RBPMS: variants seen among roughly 807,000 people sequenced by gnomAD.
RBPMS encodes the protein RNA binding protein, mRNA processing factor.
RBPMS carries 7 observed loss-of-function variants against 26.8 expected under a neutral mutation model. The observed-to-expected ratio is 0.26, with a 90% CI of 0.15 to 0.49. The LOEUF (loss-of-function observed/expected upper bound fraction) is 0.49, where lower values mean the gene tolerates loss of function less well. Among genes scored for constraint, RBPMS ranks in the 20% least tolerant of loss-of-function variants. The pLI is 0.98. For synonymous variants in RBPMS, 96 were observed against 93.3 expected, an observed-to-expected ratio of 1.03 and a Z score of -0.17; for missense variants, 186 against 250.0, an observed-to-expected ratio of 0.74 and a Z score of 1.73.
At chr8:30,454,408 A>C (rs1814957402) in intron 1 of RBPMS, among the ~76,000 whole-genome samples, 1 of 152,208 alleles carries the variant, frequency 6.6e-6, no homozygotes, top group South Asian at 2.1e-4. Context: ...GAAGTACATT[A>C]GGGGTATATG....
chr8:30,392,807 A>C (rs745699671), intron 1 of RBPMS, among the ~76,000 whole-genome samples: 1 of 152,190 alleles, frequency 6.6e-6, no homozygotes, highest in African/African-American at 2.4e-5. Context: ...GGAATAGAAA[A>C]TAGAGATGTG....
intron 1 of RBPMS, among the ~76,000 whole-genome samples, chr8:30,426,038 T>C (rs940885143): frequency 7.2e-5 from 11 of 152,316 alleles, no homozygotes; most frequent in African/African-American, 2.2e-4. Context: ...TCTCTGTCTC[T>C]TTCCTGAAAA....
intron 4 of RBPMS, among the ~76,000 whole-genome samples, chr8:30,481,476 G>C (rs890531289): frequency 6.6e-6 from 1 of 152,024 alleles, no homozygotes. Flanking sequence ...GTGCCAGCTG[G>C]CCGCAGATCA....
intron 7 of RBPMS, chr8:30,562,036 A>T: frequency 1.0e-6 from 1 of 985,408 alleles, no homozygotes; most frequent in Non-Finnish European, 1.2e-6. Flanking sequence ...GATCCGAATA[A>T]GAATATGTAA....
At chr8:30,493,406 T>C (rs550556843) in intron 4 of RBPMS, among the ~76,000 whole-genome samples, 1 of 152,290 alleles carries the variant, frequency 6.6e-6, no homozygotes, top group East Asian at 1.9e-4. Flanking sequence ...GAAAAGGCAG[T>C]AAGGACTCTG....
At chr8:30,481,827 G>A (rs1307502948) in intron 4 of RBPMS, among the ~76,000 whole-genome samples, 1 of 152,226 alleles carries the variant, frequency 6.6e-6, no homozygotes, top group African/African-American at 2.4e-5. Context: ...ATGTAAAGTA[G>A]TAGAGGTATT....
chr8:30,490,490 C>G, intron 4 of RBPMS, among the ~76,000 whole-genome samples: 1 of 151,710 alleles, frequency 6.6e-6, no homozygotes. Context: ...GACGGAGTCT[C>G]GCTCTGTCAC....
intron 6 of RBPMS, among the ~76,000 whole-genome samples, chr8:30,549,995 C>T (rs1380566309): frequency 1.3e-5 from 2 of 151,866 alleles, no homozygotes; most frequent in African/African-American, 2.4e-5. Context: ...GGACTACAGG[C>T]GCCTGTCACC....
chr8:30,527,266 G>A (rs917896440), intron 5 of RBPMS, among the ~76,000 whole-genome samples: 7 of 152,116 alleles, frequency 4.6e-5, no homozygotes, highest in Non-Finnish European at 8.8e-5. Flanking sequence ...CAGATGAAAT[G>A]GCCCTGGAAG....
intron 5 of RBPMS, among the ~76,000 whole-genome samples, chr8:30,529,463 T>C (rs1432972932): frequency 5.3e-5 from 8 of 151,502 alleles, no homozygotes; most frequent in Non-Finnish European, 8.8e-5. Context: ...GATGGTGCCA[T>C]TGCACTCCAG....
chr8:30,423,057 G>A lies in RBPMS; in HGVS notation c.66+37899G>A, dbSNP rs114686435. Among the ~76,000 whole-genome samples the A allele has an allele frequency of 1.4e-3, 214 of 152,286 alleles. 2 individuals carry two copies. The highest frequency in any genetic ancestry group is 5.0e-3 in the African/African-American group (207 of 41,556). On this transcript the variant is annotated intron_variant, in intron 1 of 8. Coordinates refer to ENST00000397323, the MANE Select transcript of RBPMS (RefSeq NM_001008710.3). ...CCAGGACCTGGCTCCAGGTCTCCGA[G>A]CAGTTGAAATGTACCTGGCAAAGTC...
At chr8:30,418,536 T>G in intron 1 of RBPMS, among the ~76,000 whole-genome samples, 1 of 152,230 alleles carries the variant, frequency 6.6e-6, no homozygotes. Flanking sequence ...TCTATTTTTC[T>G]GTTAGATTGC....
At chr8:30,534,491 G>A (rs1824597024) in intron 5 of RBPMS, among the ~76,000 whole-genome samples, 1 of 152,206 alleles carries the variant, frequency 6.6e-6, no homozygotes, top group Non-Finnish European at 1.5e-5. Context: ...CATTCCCTGT[G>A]GATAGATCAA....
chr8:30,455,885 G>A (rs556305876), intron 1 of RBPMS, among the ~76,000 whole-genome samples: 3 of 152,120 alleles, frequency 2.0e-5, no homozygotes, highest in East Asian at 3.9e-4. Context: ...GTGAGACTCT[G>A]TCTCAAAAAA....
intron 3 of RBPMS, among the ~76,000 whole-genome samples, chr8:30,478,950 A>T (rs575436845): frequency 6.6e-6 from 1 of 152,322 alleles, no homozygotes; most frequent in South Asian, 2.1e-4. Flanking sequence ...TTCTCTTTCC[A>T]TTTTAAAAGA....
At chr8:30,540,845 T>C (rs1260962646) in intron 5 of RBPMS, among the ~76,000 whole-genome samples, 3 of 152,120 alleles carry the variant, frequency 2.0e-5, no homozygotes, top group African/African-American at 2.4e-5. Context: ...ATGGGATAGA[T>C]TCACCAGGAC....
intron 5 of RBPMS, among the ~76,000 whole-genome samples, chr8:30,514,680 C>CTTT (rs577244764): frequency 0.15 from 11,855 of 81,210 alleles, 2,163 homozygotes; most frequent in Non-Finnish European, 0.18. Flanking sequence ...CCATGCCGGG[C>CTTT]TTTTTTTTTT....
chr8:30,422,148 T>C (rs1398165882), intron 1 of RBPMS, among the ~76,000 whole-genome samples: 2 of 151,330 alleles, frequency 1.3e-5, no homozygotes, highest in Non-Finnish European at 2.9e-5. Context: ...TATTTTGAGA[T>C]GGAGTCTTGC....
intron 4 of RBPMS, among the ~76,000 whole-genome samples, chr8:30,489,955 C>T (rs1450931578): frequency 1.3e-5 from 2 of 151,886 alleles, no homozygotes; most frequent in African/African-American, 2.4e-5. Flanking sequence ...GGACTACAGG[C>T]ACCCGCCACC....
Sources: gnomAD v4.1 joint callset for allele counts (sites outside exome capture counted in the v4.1 genomes callset) on GRCh38, gnomAD v4.1.1 for gene constraint, MANE v1.5 for transcripts, NCBI Gene and HGNC (gene_info 2026-07-23, HGNC 2026-07-21) for gene names.